ADAMTS19: variants seen among roughly 807,000 people sequenced by gnomAD.
ADAMTS19 encodes ADAM metallopeptidase with thrombospondin type 1 motif 19, also known as A disintegrin and metalloproteinase with thrombospondin motifs 19.
Under a neutral mutation model 153.3 loss-of-function variants are expected in ADAMTS19, and 93 were observed. The observed-to-expected ratio is 0.61, with a 90% confidence interval of 0.51 to 0.72. ADAMTS19 has a LOEUF of 0.72. Among genes scored for constraint, ADAMTS19 ranks in the 30% least tolerant of loss-of-function variants. The pLI is 0.00. For missense variants in ADAMTS19, 1,482 were observed against 1,552.1 expected, an observed-to-expected ratio of 0.95 and a Z score of 0.76; for synonymous variants, 600 against 556.6, an observed-to-expected ratio of 1.08 and a Z score of -1.10.
intron 2 of ADAMTS19, among the ~76,000 whole-genome samples, chr5:129,492,827 TATA>T (rs1423073469): frequency 6.6e-6 from 1 of 152,180 alleles, no homozygotes; most frequent in African/African-American, 2.4e-5. Context: ...ATTTAGACTA[TATA>T]ATGTGTTTTT....
At chr5:129,672,414 T>C (rs1277113869) in intron 16 of ADAMTS19, among the ~76,000 whole-genome samples, 1 of 152,120 alleles carries the variant, frequency 6.6e-6, no homozygotes, top group Non-Finnish European at 1.5e-5. Flanking sequence ...AGCCAGAGAA[T>C]TAAGCTAACT....
At chr5:129,645,468 C>T (rs185342920) in intron 11 of ADAMTS19, among the ~76,000 whole-genome samples, 29 of 152,318 alleles carry the variant, frequency 1.9e-4, no homozygotes, top group Middle Eastern at 3.4e-3. Flanking sequence ...ATCCAGACAT[C>T]TGGTTATCTG....
intron 18 of ADAMTS19, among the ~76,000 whole-genome samples, chr5:129,688,917 A>G (rs1242334334): frequency 6.6e-6 from 1 of 152,026 alleles, no homozygotes; most frequent in Non-Finnish European, 1.5e-5. Context: ...AGTGTGGATC[A>G]GTTTGCTACA....
chr5:129,482,995 A>G lies in ADAMTS19; in HGVS notation c.747+21238A>G, dbSNP rs576290582. Among the ~76,000 whole-genome samples, 16 of 152,320 alleles carry G rather than the reference A, an allele frequency of 1.1e-4. No individual in the cohort carries two copies. The South Asian group carries it at 3.1e-3, about 30-fold the overall frequency. On this transcript the variant is annotated intron_variant, in intron 2 of 22. Transcript: ENST00000274487. ...TCATATAATATAAATGGGATTACAT[A>G]TTATATGTGTTCCATAACTTTTTTA...
At chr5:129,730,928 T>C (rs990628329) in intron 21 of ADAMTS19, among the ~76,000 whole-genome samples, 94 of 147,438 alleles carry the variant, frequency 6.4e-4, no homozygotes, top group Admixed American at 2.0e-3. Flanking sequence ...TGTTGTTGTT[T>C]TTTTGTTTTG....
At chr5:129,619,291 A>G (rs1751670895) in intron 8 of ADAMTS19, among the ~76,000 whole-genome samples, 1 of 152,070 alleles carries the variant, frequency 6.6e-6, no homozygotes, top group Admixed American at 6.6e-5. Flanking sequence ...CAATTTCTCA[A>G]TGTATAATCT....
chr5:129,534,664 G>A (rs1314545704), intron 6 of ADAMTS19, among the ~76,000 whole-genome samples: 1 of 152,010 alleles, frequency 6.6e-6, no homozygotes, highest in Non-Finnish European at 1.5e-5. Context: ...CATTGATGCA[G>A]AAATCCTCAA....
At chr5:129,609,160 G>T (rs1751073635) in intron 8 of ADAMTS19, among the ~76,000 whole-genome samples, 1 of 152,158 alleles carries the variant, frequency 6.6e-6, no homozygotes. Context: ...CTTGGTAAAT[G>T]TTAAAAACTA....
intron 8 of ADAMTS19, among the ~76,000 whole-genome samples, chr5:129,600,802 A>G (rs578168043): frequency 6.6e-6 from 1 of 152,260 alleles, no homozygotes; most frequent in South Asian, 2.1e-4. Context: ...ATTTAAGCCA[A>G]CATTTTAAAA....
intron 7 of ADAMTS19, among the ~76,000 whole-genome samples, chr5:129,579,209 T>C (rs2126881541): frequency 6.6e-6 from 1 of 152,358 alleles, no homozygotes; most frequent in South Asian, 2.1e-4. Context: ...TGAGCTTTTT[T>C]TCATATGTTT....
chr5:129,635,818 C>G (rs1253916178), intron 10 of ADAMTS19, among the ~76,000 whole-genome samples: 1 of 152,112 alleles, frequency 6.6e-6, no homozygotes, highest in Non-Finnish European at 1.5e-5. Flanking sequence ...ATGAAATAAA[C>G]TATACATCAT....
Position 129,461,710 on chromosome 5 carries a change from C to T in ADAMTS19, c.700C>T (p.Arg234Trp). ...CTGCTTCTACACCGGAGCTGTGCTG[C>T]GGCACCCTGGCTCGCTGGCTTCTTT... Reference protein sequence around the residue: ...AGCFYTGAVLRHPGSLASFST... With the variant: ...AGCFYTGAVLWHPGSLASFST... Residue 234 changes from arginine (R) to tryptophan (W), a missense_variant, in exon 2 of 23, where the codon CGG becomes TGG. Coordinates refer to ENST00000274487, the MANE Select transcript of ADAMTS19 (RefSeq NM_133638.6). This position sits in a 1 kb window ranked among gnomAD's most constrained non-coding sequence, Gnocchi z 4.6. 6.6e-7 allele frequency: 1 copy of T among 1,525,372 alleles called. No homozygotes were observed. Among genetic ancestry groups the T allele is most frequent in the South Asian group, 1.2e-5 (1 of 81,700 alleles). 94.5% of individuals were successfully genotyped at this position (1,525,372 alleles called of 1,614,324 possible).
At position 129,522,328 on chromosome 5, in the gene ADAMTS19, C is replaced by CATATAT. The variant is rs1302441781; in HGVS notation, c.914-3955_914-3954insTATATA. On this transcript the variant is annotated intron_variant, in intron 3 of 22. Transcript: ENST00000274487. ...ATATATATATATATACACACACACA[C>CATATAT]ACACATATATATATATATATATATA... Among the ~76,000 whole-genome samples, 315 of 87,998 alleles carry CATATAT rather than the reference C, an allele frequency of 3.6e-3. 4 individuals are homozygous for CATATAT. Among genetic ancestry groups the CATATAT allele is most frequent in the African/African-American group, 0.014 (245 of 17,218 alleles). The allele number at this position is 87,998 out of a possible 152,430, so 57.7% of individuals were successfully genotyped here.
At chr5:129,596,133 A>G (rs927836246) in intron 7 of ADAMTS19, among the ~76,000 whole-genome samples, 6 of 152,020 alleles carry the variant, frequency 3.9e-5, no homozygotes, top group African/African-American at 1.4e-4. Context: ...TAAGTTCAAG[A>G]CTGCTTTATA....
At chr5:129,677,155 A>G (rs1754586444) in intron 16 of ADAMTS19, among the ~76,000 whole-genome samples, 2 of 152,184 alleles carry the variant, frequency 1.3e-5, no homozygotes, top group African/African-American at 2.4e-5. Context: ...ATAAAGTTCA[A>G]TAGGAATAAA....
intron 2 of ADAMTS19, among the ~76,000 whole-genome samples, chr5:129,472,808 A>T (rs926662733): frequency 1.5e-4 from 23 of 150,150 alleles, no homozygotes; most frequent in African/African-American, 5.3e-4. Context: ...ATATTTATGT[A>T]TTATCTATAC....
intron 13 of ADAMTS19, among the ~76,000 whole-genome samples, chr5:129,652,909 A>G (rs1753378064): frequency 6.6e-6 from 1 of 152,184 alleles, no homozygotes; most frequent in Non-Finnish European, 1.5e-5. Flanking sequence ...GAATAAACAT[A>G]ACCTACTTTG....
intron 21 of ADAMTS19, among the ~76,000 whole-genome samples, chr5:129,726,529 A>G (rs1221934647): frequency 6.6e-6 from 1 of 152,134 alleles, no homozygotes; most frequent in Non-Finnish European, 1.5e-5. Flanking sequence ...GGACTGAAAG[A>G]AGGGAGAAGG....
chr5:129,642,410 A>T (rs1460060919), intron 11 of ADAMTS19, among the ~76,000 whole-genome samples: 1 of 152,106 alleles, frequency 6.6e-6, no homozygotes, highest in African/African-American at 2.4e-5. Flanking sequence ...TCCAGTTGAC[A>T]TTTGGAGATT....
Sources: allele counts gnomAD v4.1 joint callset (sites outside exome capture counted in the v4.1 genomes callset), GRCh38; gene constraint gnomAD v4.1.1; non-coding constraint Gnocchi (gnomAD v3.1); transcripts MANE v1.5; gene names NCBI Gene and HGNC (gene_info 2026-07-23, HGNC 2026-07-21).